Variants in SLC9A4 observed in about 807,000 individuals in gnomAD.
SLC9A4 encodes the protein sodium/hydrogen exchanger 4.
A neutral mutation model predicts 67.4 loss-of-function variants in SLC9A4; 63 were observed. The ratio of observed to expected loss-of-function variants is 0.93; its 90% confidence interval spans 0.76 to 1.15. The LOEUF (loss-of-function observed/expected upper bound fraction) is 1.15, where lower values mean the gene tolerates loss of function less well. Ranked by LOEUF, SLC9A4 falls within the 50% of genes most tolerant of loss-of-function variation. The pLI, the probability that SLC9A4 is intolerant of heterozygous loss-of-function variation, is 0.00. For synonymous variants in SLC9A4, 393 were observed against 367.2 expected, an observed-to-expected ratio of 1.07 and a Z score of -0.80; for missense variants, 1,089 against 987.7, an observed-to-expected ratio of 1.10 and a Z score of -1.38.
intron 11 of SLC9A4, among the ~76,000 whole-genome samples, chr2:102,528,297 C>T (rs553507233): frequency 2.0e-5 from 3 of 152,192 alleles, no homozygotes; most frequent in Admixed American, 6.5e-5. Context: ...CGTGAGCCAC[C>T]GAGTCTGGTC....
chr2:102,516,121 A>G (rs1430929253), intron 8 of SLC9A4, among the ~76,000 whole-genome samples: 1 of 152,238 alleles, frequency 6.6e-6, no homozygotes, highest in African/African-American at 2.4e-5. Flanking sequence ...TGCATCAGTC[A>G]TAAGCATTTG....
intron 6 of SLC9A4, among the ~76,000 whole-genome samples, chr2:102,509,809 T>C (rs1412050759): frequency 6.6e-6 from 1 of 152,174 alleles, no homozygotes; most frequent in East Asian, 1.9e-4. Flanking sequence ...AGGACACTCA[T>C]TGAATAACAG....
intron 9 of SLC9A4, 108 bp downstream of exon 9, chr2:102,520,063 A>T (rs1685373309): frequency 1.2e-6 from 1 of 836,046 alleles, no homozygotes; most frequent in Non-Finnish European, 1.9e-6. Context: ...CACCCTCTGT[A>T]AGGTGGTAAC....
At chr2:102,484,319 G>A (rs1243172659) in intron 2 of SLC9A4, among the ~76,000 whole-genome samples, 1 of 152,106 alleles carries the variant, frequency 6.6e-6, no homozygotes, top group Non-Finnish European at 1.5e-5. Flanking sequence ...TGACAAGAGA[G>A]AACCCACATG....
At position 102,526,319 on chromosome 2, in the gene SLC9A4, A is replaced by C; in HGVS notation, c.2011A>C (p.Arg671=). ...CTACGGGAATCCTCAGTCTGCAGGA[A>C]GAGACACAAGGGCTGCTGGGTTCTC... ...YPYGNPQSAG[R]DTRAAGFSDD... The change falls in exon 11 of 12, where the codon AGA becomes CGA. Residue 671 remains arginine (R), a synonymous_variant. Coordinates refer to ENST00000295269, the MANE Select transcript of SLC9A4 (RefSeq NM_001011552.4). The C allele has an allele frequency of 6.2e-7, 1 of 1,613,716 alleles. No homozygotes were observed. Among genetic ancestry groups the C allele is most frequent in the South Asian group, 1.1e-5 (1 of 91,080 alleles).
chr2:102,528,527 C>A (rs1453325706), intron 11 of SLC9A4, among the ~76,000 whole-genome samples: 1 of 152,016 alleles, frequency 6.6e-6, no homozygotes, highest in East Asian at 1.9e-4. Flanking sequence ...CGCCTCCTAA[C>A]ATGCTAGGAT....
chr2:102,491,317 CTTT>C (rs61708027), intron 2 of SLC9A4, among the ~76,000 whole-genome samples: 4 of 45,762 alleles, frequency 8.7e-5, no homozygotes, highest in Non-Finnish European at 1.2e-4. Context: ...TGTACTAATG[CTTT>C]TTTTTTTTTT....
At chr2:102,532,247 T>C in intron 11 of SLC9A4, 83 bp from the exon 12 acceptor site, 1 of 1,433,894 alleles carries the variant, frequency 7.0e-7, no homozygotes. Context: ...TGCTTCACTC[T>C]GAGTTCCTGC....
At chr2:102,522,720 G>A (rs1264608741) in intron 9 of SLC9A4, among the ~76,000 whole-genome samples, 5 of 151,990 alleles carry the variant, frequency 3.3e-5, no homozygotes, top group African/African-American at 7.3e-5. Flanking sequence ...TATTTTTCAC[G>A]ACAGTGTCAT....
rs114337199 is a variant in SLC9A4 at position 102,507,771 on chromosome 2, G to T, written c.1199-308G>T. ...AGGTGGGACAAAAATTATGAATATA[G>T]ATTAGAAAATATATACCTTACATTA... On this transcript the variant is annotated intron_variant, in intron 4 of 11. Transcript: ENST00000295269. Among the ~76,000 whole-genome samples the T allele has an allele frequency of 6.3e-3, 954 of 152,184 alleles. 14 individuals carry two copies. The highest frequency in any genetic ancestry group is 0.022 in the African/African-American group (908 of 41,514).
chr2:102,484,572 C>G (rs555095464), intron 2 of SLC9A4, among the ~76,000 whole-genome samples: 2 of 152,298 alleles, frequency 1.3e-5, no homozygotes, highest in East Asian at 3.9e-4. Flanking sequence ...TGAAGCAGCT[C>G]CCGGACACTG....
intron 4 of SLC9A4, 95 bp downstream of exon 4, chr2:102,505,566 T>C: frequency 8.0e-7 from 1 of 1,246,054 alleles, no homozygotes; most frequent in Admixed American, 2.1e-5. Context: ...ACTGAGTAGA[T>C]GCTAACTGGT....
At chr2:102,526,406 G>C in intron 11 of SLC9A4, 60 bp downstream of exon 11, 2 of 1,529,368 alleles carry the variant, frequency 1.3e-6, no homozygotes, top group Non-Finnish European at 1.8e-6. Context: ...TAAATATCTG[G>C]GGGTGTGGGC....
intron 3 of SLC9A4, among the ~76,000 whole-genome samples, chr2:102,504,192 A>G (rs1245726149): frequency 3.9e-5 from 6 of 152,192 alleles, no homozygotes; most frequent in Non-Finnish European, 8.8e-5. Context: ...AGCTGGGACT[A>G]CAGGTACTGG....
Position 102,532,628 on chromosome 2 carries a change from T to G in SLC9A4, c.2337T>G (p.Ala779=). 1 of 1,614,072 alleles carries G rather than the reference T, an allele frequency of 6.2e-7. No homozygotes were observed. The highest frequency in any genetic ancestry group is 8.5e-7 in the Non-Finnish European group (1 of 1,180,000). Reference sequence around the variant, plus strand: ...TTGAGGTTCGGTCGAGGTGGACAGCTGACCATGGACACGGCAGGGACCATC... The same window carrying G: ...TTGAGGTTCGGTCGAGGTGGACAGCGGACCATGGACACGGCAGGGACCATC... ...SLVEVRSRWT[A]DHGHGRDHHR... is the part of the protein sequence containing the mutation. Residue 779 remains alanine (A), a synonymous_variant, in exon 12 of 12, where the codon GCT becomes GCG. Coordinates refer to ENST00000295269, the MANE Select transcript of SLC9A4 (RefSeq NM_001011552.4).
At chr2:102,512,051 C>T (rs1685173233) in intron 6 of SLC9A4, 152 bp from the exon 7 acceptor site, 1 of 723,594 alleles carries the variant, frequency 1.4e-6, no homozygotes, top group Non-Finnish European at 2.2e-6. Context: ...TGAAAGGCAC[C>T]AAATATTTTA....
intron 8 of SLC9A4, among the ~76,000 whole-genome samples, chr2:102,519,108 A>C (rs984426720): frequency 3.0e-4 from 46 of 152,202 alleles, no homozygotes; most frequent in African/African-American, 1.1e-3. Flanking sequence ...CCAGAGGACA[A>C]TTGTGCATTG....
intron 2 of SLC9A4, among the ~76,000 whole-genome samples, chr2:102,501,214 C>T (rs866793726): frequency 2.6e-5 from 4 of 151,976 alleles, no homozygotes; most frequent in African/African-American, 9.7e-5. Context: ...CTCCACTTCC[C>T]GGGTTCGAGC....
chr2:102,502,277 T>C (rs1370312599), intron 2 of SLC9A4, among the ~76,000 whole-genome samples: 1 of 152,044 alleles, frequency 6.6e-6, no homozygotes, highest in Non-Finnish European at 1.5e-5. Flanking sequence ...TAGTGATAAG[T>C]AGATCCCTGC....
Sources: gnomAD v4.1 joint callset for allele counts (sites outside exome capture counted in the v4.1 genomes callset) on GRCh38, gnomAD v4.1.1 for gene constraint, MANE v1.5 for transcripts, NCBI Gene and HGNC (gene_info 2026-07-23, HGNC 2026-07-21) for gene names.